Variants in DDOST observed in about 807,000 individuals in gnomAD.
DDOST encodes dolichyl-diphosphooligosaccharide--protein glycosyltransferase 48 kDa subunit.
A neutral mutation model predicts 47.6 loss-of-function variants in DDOST; 25 were observed. That is an observed-to-expected ratio of 0.53 (90% CI 0.38 to 0.73). The LOEUF (loss-of-function observed/expected upper bound fraction) is 0.73. Ranked by LOEUF, DDOST falls within the 30% of genes least tolerant of loss-of-function variation. DDOST has a pLI of 0.00. For missense variants in DDOST, 526 were observed against 573.9 expected (o/e 0.92, Z 0.85); for synonymous variants, 275 against 236.0 (o/e 1.17, Z -1.51).
rs2053290941 is a variant in DDOST, at chr1:20,651,839, A to ATTTATTTATTTATT, written c.*539_*540insAATAAATAAATAAA. The ATTTATTTATTTATT allele has an allele frequency of 9.8e-6, 1 of 101,642 alleles. No homozygotes were observed. Among genetic ancestry groups the ATTTATTTATTTATT allele is most frequent in the Admixed American group, 9.4e-5 (1 of 10,660 alleles). 6.3% of individuals were successfully genotyped at this position (101,642 alleles called of 1,614,324 possible). A position where few individuals can be genotyped will look rare whatever the true frequency, so the allele number is the denominator to read the frequency against. On this transcript the variant is annotated 3_prime_UTR_variant, in exon 11 of 11. Transcript: ENST00000602624. ...TTTATTTATTTATTTATTTATTTAT[A>ATTTATTTATTTATT]TTTGAGACAGAGTCTTAACACTGTT... is the stretch of plus-strand genomic sequence containing the variant.
At position 20,652,959 on chromosome 1, in the gene DDOST, C is replaced by T. The variant is rs921210147; in HGVS notation, c.955G>A (p.Val319Met). Reference sequence around the variant, plus strand: ...TTGCCATTTGAGAGCTGCTGGATCACGATGCTATACTCCTGAGATAAAAGG... The same window carrying T: ...TTGCCATTTGAGAGCTGCTGGATCATGATGCTATACTCCTGAGATAAAAGG... ...TVTDLVEYSI[V>M]IQQLSNGKWV... Residue 319 changes from valine (V) to methionine (M), a missense_variant, in exon 9 of 11, where the codon GTG becomes ATG. By Grantham distance (21) the Val-to-Met change is conservative. Coordinates refer to ENST00000602624, the MANE Select transcript of DDOST (RefSeq NM_005216.5). 8.7e-6 allele frequency: 14 copies of T among 1,614,078 alleles called. No individual in the cohort carries two copies. The highest frequency in any genetic ancestry group is 8.0e-5 in the African/African-American group (6 of 74,922).
At position 20,661,284 on chromosome 1, in the gene DDOST, C is replaced by G. The variant is rs778280288; in HGVS notation, c.67G>C (p.Val23Leu). 2.8e-5 allele frequency: 45 copies of G among 1,613,792 alleles called. No homozygotes were observed. Among genetic ancestry groups the G allele is most frequent in the East Asian group, 4.5e-5 (2 of 44,874 alleles). ...AAGGTGCGGGGTCCGCTGGCGCAAA[C>G]CGCGCCAAGCAAGGGCAGCAGCAAC... ...FWLLLPLLGA[V>L]CASGPRTLVL... The change falls in exon 1 of 11, where the codon GTT (valine) becomes CTT (leucine). Residue 23 changes from valine (V) to leucine (L), a missense_variant. Transcript: ENST00000602624.
intron 2 of DDOST, chr1:20,660,423 G>A (rs973721227): frequency 2.6e-5 from 4 of 154,710 alleles, no homozygotes; most frequent in East Asian, 1.9e-4. Context: ...AGGAGGGGTG[G>A]GGTGGTAGAT....
chr1:20,654,431 C>T (rs2154534244), intron 6 of DDOST, 60 bp from the exon 7 acceptor site: 1 of 1,539,112 alleles, frequency 6.5e-7, no homozygotes, highest in Non-Finnish European at 8.8e-7. Flanking sequence ...GCTGCCACGC[C>T]TCCCGAACAA....
intron 2 of DDOST, among the ~76,000 whole-genome samples, chr1:20,659,624 G>C (rs1223819327): frequency 6.6e-6 from 1 of 152,186 alleles, no homozygotes; most frequent in African/African-American, 2.4e-5. Flanking sequence ...CTACCAATTT[G>C]GGGTGACATC....
rs1464019476 is a variant in DDOST, at chr1:20,661,183, G to C, written c.154+14C>G. The stretch of plus-strand genomic sequence containing the variant: ...CAGGCCCCCACACGCTACCCCCTCG[G>C]ACCCCGCTCTCACCCTTCAGGCTCC... On this transcript the variant is annotated intron_variant, in intron 1 of 10. Transcript: ENST00000602624. The C allele has an allele frequency of 1.2e-6, 2 of 1,612,442 alleles. No individual in the cohort carries two copies. The highest frequency in any genetic ancestry group is 2.7e-5 in the African/African-American group (2 of 74,904).
At chr1:20,658,121 C>T (rs2053395409) in intron 2 of DDOST, among the ~76,000 whole-genome samples, 1 of 152,236 alleles carries the variant, frequency 6.6e-6, no homozygotes, top group South Asian at 2.1e-4. Flanking sequence ...GAAATCGAGA[C>T]CACCTGGAGT....
chr1:20,652,424 G>A lies in DDOST; in HGVS notation c.1275C>T (p.Phe425=). 1.2e-6 allele frequency: 2 copies of A among 1,613,926 alleles called. No individual in the cohort carries two copies. Among genetic ancestry groups the A allele is most frequent in the East Asian group, 2.2e-5 (1 of 44,872 alleles). Residue 425 remains phenylalanine, a synonymous_variant, in exon 11 of 11, where the codon TTC becomes TTT. Coordinates refer to ENST00000602624, the MANE Select transcript of DDOST (RefSeq NM_005216.5). ...AFSMMLGLFI[F]SIVFLHMKEK... ...CCTTCATGTGCAAGAAGACGATGCT[G>A]AAGATGAAGAGCCCCAGCATCATGG...
intron 2 of DDOST, among the ~76,000 whole-genome samples, chr1:20,659,161 TC>T (rs1208492380): frequency 0.015 from 1,500 of 98,554 alleles, 19 homozygotes; most frequent in African/African-American, 0.061. Flanking sequence ...CCTAGCCTTT[TC>T]TTTTTTTTTT....
Position 20,652,879 on chromosome 1 carries a change from A to G in DDOST, c.1035T>C (p.Pro345=). 2 of 1,614,230 alleles carry G rather than the reference A, an allele frequency of 1.2e-6. No individual in the cohort carries two copies. Among genetic ancestry groups the G allele is most frequent in the Non-Finnish European group, 1.7e-6 (2 of 1,180,046 alleles). ...DIQLEFVRID[P]FVRTFLKKKG... ...TCTTCTTCAGGAAGGTCCTCACAAA[A>G]GGATCAATGCGGACAAACTCCAGCT... is the stretch of plus-strand genomic sequence containing the variant. The change falls in exon 9 of 11, where the codon CCT becomes CCC. Residue 345 remains proline, a synonymous_variant. Transcript: ENST00000602624.
rs756826240 is a variant in DDOST at position 20,655,721 on chromosome 1, C to T, written c.411G>A (p.Thr137=). The change falls in exon 4 of 11, where the codon ACG becomes ACA. Residue 137 remains threonine (T), a synonymous_variant. Coordinates refer to ENST00000602624, the MANE Select transcript of DDOST (RefSeq NM_005216.5). ...ECGIEFDEEK[T]AVIDHHNYDI... is the part of the protein sequence containing the mutation. ...CATAGTTGTGATGGTCAATGACAGC[C>T]GTTTTCTCCTCGTCAAACTCAATCC... The T allele has an allele frequency of 5.0e-6, 8 of 1,614,052 alleles. No individual in the cohort carries two copies. Among genetic ancestry groups the T allele is most frequent in the African/African-American group, 4.0e-5 (3 of 74,920 alleles).
At chr1:20,660,155 G>C (rs528320307) in intron 2 of DDOST, among the ~76,000 whole-genome samples, 1 of 152,376 alleles carries the variant, frequency 6.6e-6, no homozygotes, top group South Asian at 2.1e-4. Flanking sequence ...CTGTGATTAT[G>C]TGAAGGCTAT....
In DDOST at chr1:20,653,661, G is replaced by A. The variant is rs1393364142; in HGVS notation, c.908C>T (p.Ala303Val). The change falls in exon 8 of 11, where the codon GCC becomes GTC. Residue 303 changes from alanine (A) to valine (V), a missense_variant. Coordinates refer to ENST00000602624, the MANE Select transcript of DDOST (RefSeq NM_005216.5). ...PVSHHRVGET[A>V]PPNAYTVTDL... ...AGTGACAGTGTAGGCATTGGGTGGG[G>A]CTGTCTCGCCCACCCGATGATGGGA... is the stretch of plus-strand genomic sequence containing the variant. 5 of 1,612,840 alleles carry A rather than the reference G, an allele frequency of 3.1e-6. No homozygotes were observed. Among genetic ancestry groups the A allele is most frequent in the Non-Finnish European group, 4.2e-6 (5 of 1,179,164 alleles).
chr1:20,656,339 C>CA (rs2154534304), intron 2 of DDOST, 152 bp from the exon 3 acceptor site: 2 of 627,784 alleles, frequency 3.2e-6, no homozygotes, highest in East Asian at 5.6e-5. Context: ...CTTCCCACAC[C>CA]ACATCCCAGA....
chr1:20,661,308 A>T lies in DDOST; in HGVS notation c.43T>A (p.Leu15Met). Residue 15 changes from leucine (L) to methionine (M), a missense_variant, in exon 1 of 11, where the codon TTG (leucine) becomes ATG (methionine). By Grantham distance (15) the Leu-to-Met change is conservative (BLOSUM62 2). Coordinates refer to ENST00000602624, the MANE Select transcript of DDOST (RefSeq NM_005216.5). ...TAARAWALFW[L>M]LLPLLGAVCA... ...ACCGCGCCAAGCAAGGGCAGCAGCA[A>T]CCAAAAGAGGGCCCAAGCCCGGGCC... is the stretch of plus-strand genomic sequence containing the variant. 1 of 1,613,860 alleles carries T rather than the reference A, an allele frequency of 6.2e-7. No individual in the cohort carries two copies. Among genetic ancestry groups the T allele is most frequent in the East Asian group, 2.2e-5 (1 of 44,850 alleles).
chr1:20,659,931 G>C (rs1220701981), intron 2 of DDOST, among the ~76,000 whole-genome samples: 1 of 152,074 alleles, frequency 6.6e-6, no homozygotes, highest in Non-Finnish European at 1.5e-5. Flanking sequence ...AAACAAAAAA[G>C]GCACCAATGA....
chr1:20,659,793 C>G (rs1211660666), intron 2 of DDOST, among the ~76,000 whole-genome samples: 2 of 152,096 alleles, frequency 1.3e-5, no homozygotes, highest in African/African-American at 4.8e-5. Flanking sequence ...AAGCCATGTC[C>G]CAGTTATTCA....
rs1172558053 is a variant in DDOST at position 20,660,997 on chromosome 1, C to G, written c.155-6G>C. 1.9e-6 allele frequency: 3 copies of G among 1,601,356 alleles called. No homozygotes were observed. Among genetic ancestry groups the G allele is most frequent in the Non-Finnish European group, 2.6e-6 (3 of 1,169,076 alleles). On this transcript the variant is annotated splice_polypyrimidine_tract_variant and splice_region_variant and intron_variant, in intron 1 of 10. Transcript: ENST00000602624. ...TGTGAGCTCAAAGCCCCGGTCTGGA[C>G]AAGAAAAAACAGGTAGTTGAGGAAG...
rs780209777 is a variant in DDOST, at chr1:20,652,356, T to C, written c.*23A>G. 8.2e-6 allele frequency: 13 copies of C among 1,583,610 alleles called. No homozygotes were observed. The highest frequency in any genetic ancestry group is 1.1e-5 in the Non-Finnish European group (13 of 1,165,570). On this transcript the variant is annotated 3_prime_UTR_variant, in exon 11 of 11. Transcript: ENST00000602624. ...CCCCCTCCTTGCCCCGTCTCCACGC[T>C]GTGCGGAGAGGGCTCTAGCCCCTCA...
Sources: gnomAD v4.1 joint callset for allele counts (sites outside exome capture counted in the v4.1 genomes callset) on GRCh38, gnomAD v4.1.1 for gene constraint, MANE v1.5 for transcripts, NCBI Gene and HGNC (gene_info 2026-07-23, HGNC 2026-07-21) for gene names.